ENPP3: variants seen among roughly 807,000 people sequenced by gnomAD.
ENPP3 encodes the protein ectonucleotide pyrophosphatase/phosphodiesterase 3.
A neutral mutation model predicts 117.8 loss-of-function variants in ENPP3; 104 were observed. That is an observed-to-expected ratio of 0.88 (90% CI 0.75 to 1.04). The LOEUF is 1.04. Among genes scored for constraint, ENPP3 ranks in the 50% least tolerant of loss-of-function variants. The pLI is 0.00. For synonymous variants in ENPP3, 380 were observed against 349.9 expected (o/e 1.09, Z -0.96); for missense variants, 1,026 against 1,051.9 (o/e 0.98, Z 0.34).
chr6:131,689,411 T>C (rs1394617945), intron 14 of ENPP3, among the ~76,000 whole-genome samples: 1 of 152,112 alleles, frequency 6.6e-6, no homozygotes, highest in Non-Finnish European at 1.5e-5. Flanking sequence ...CCTTACGAAT[T>C]ATGCTCAATC....
rs752897669 is a variant in ENPP3, at chr6:131,674,185, C to T, written c.666C>T (p.Gly222=). The T allele has an allele frequency of 1.7e-5, 26 of 1,563,804 alleles. No individual in the cohort carries two copies. The Middle Eastern group carries it at 6.7e-4, about 41-fold the overall frequency. The change falls in exon 8 of 25, where the codon GGC becomes GGT. Residue 222 remains glycine (G), a synonymous_variant. Coordinates refer to ENST00000357639, the MANE Select transcript of ENPP3 (RefSeq NM_005021.5). ...AGGGCTTGTATCCAGAGTCACATGGCATCATTGACAATAATATGTATGATG... is the reference window on the plus strand; with the variant it reads ...AGGGCTTGTATCCAGAGTCACATGGTATCATTGACAATAATATGTATGATG... ...IVTGLYPESH[G]IIDNNMYDVN...
intron 11 of ENPP3, among the ~76,000 whole-genome samples, chr6:131,680,704 G>A (rs565101695): frequency 2.0e-5 from 3 of 152,246 alleles, no homozygotes; most frequent in East Asian, 1.9e-4. Flanking sequence ...GTAAAAAGGC[G>A]ATTTTAGTTT....
At chr6:131,737,964 A>G in intron 22 of ENPP3, 67 bp from the exon 23 acceptor site, 1 of 1,125,618 alleles carries the variant, frequency 8.9e-7, no homozygotes, top group South Asian at 1.6e-5. Context: ...GTACTTGTCT[A>G]TAATAGAAAA....
intron 21 of ENPP3, 142 bp downstream of exon 21, chr6:131,733,865 T>C (rs1780339839): frequency 2.5e-6 from 2 of 808,230 alleles, no homozygotes; most frequent in East Asian, 2.6e-5. Flanking sequence ...TGGTTGTGGC[T>C]GGCCAGAGCA....
chr6:131,712,634 A>G (rs1229974253), intron 15 of ENPP3, among the ~76,000 whole-genome samples: 1 of 135,078 alleles, frequency 7.4e-6, no homozygotes, highest in Admixed American at 7.3e-5. Flanking sequence ...CAACTGTCAC[A>G]TAGCTAAGGA....
intron 11 of ENPP3, among the ~76,000 whole-genome samples, chr6:131,681,919 C>G (rs1004359043): frequency 6.6e-6 from 1 of 151,946 alleles, no homozygotes; most frequent in Non-Finnish European, 1.5e-5. Flanking sequence ...GGCTCACTGC[C>G]CCCCTGGGGT....
intron 7 of ENPP3, 63 bp downstream of exon 7, chr6:131,671,390 G>A (rs1412433598): frequency 1.0e-6 from 1 of 973,714 alleles, no homozygotes. Flanking sequence ...AAACAGACAT[G>A]TTTGGGCAGG....
At chr6:131,697,272 G>A (rs1356496441) in intron 15 of ENPP3, among the ~76,000 whole-genome samples, 1 of 152,106 alleles carries the variant, frequency 6.6e-6, no homozygotes, top group East Asian at 1.9e-4. Flanking sequence ...AAAGTAGGCT[G>A]TTGGTAGATA....
At chr6:131,695,700 G>A (rs12199875) in intron 15 of ENPP3, among the ~76,000 whole-genome samples, 12,408 of 152,200 alleles carry the variant, frequency 0.082, 865 homozygotes, top group East Asian at 0.33. Flanking sequence ...CAGATCACAA[G>A]GTTAGGAGTT....
At chr6:131,667,265 T>A (rs954252235) in intron 6 of ENPP3, among the ~76,000 whole-genome samples, 4 of 152,098 alleles carry the variant, frequency 2.6e-5, no homozygotes, top group Non-Finnish European at 5.9e-5. Context: ...TATGCTAGGT[T>A]CCATTAGCGC....
At chr6:131,665,703 CTAT>C (rs1778602797) in intron 6 of ENPP3, among the ~76,000 whole-genome samples, 1 of 151,936 alleles carries the variant, frequency 6.6e-6, no homozygotes, top group Admixed American at 6.6e-5. Context: ...TTGATTTATT[CTAT>C]TGTTTCTCCA....
At chr6:131,686,598 G>T (rs1188007656) in intron 14 of ENPP3, among the ~76,000 whole-genome samples, 1 of 152,120 alleles carries the variant, frequency 6.6e-6, no homozygotes, top group Non-Finnish European at 1.5e-5. Context: ...CTGAGGTTTG[G>T]AATATGGAAC....
At chr6:131,744,926 C>A (rs1433987679) in intron 24 of ENPP3, among the ~76,000 whole-genome samples, 1 of 152,072 alleles carries the variant, frequency 6.6e-6, no homozygotes, top group African/African-American at 2.4e-5. Context: ...CAGTTGTCTA[C>A]AGCTGGCTTC....
At chr6:131,710,671 C>T in intron 15 of ENPP3, 1 of 1,611,874 alleles carries the variant, frequency 6.2e-7, no homozygotes, top group Non-Finnish European at 8.5e-7. Context: ...CTTCTCAAAG[C>T]TGGCATCCTC....
intron 15 of ENPP3, among the ~76,000 whole-genome samples, chr6:131,695,733 G>A (rs1418981289): frequency 6.6e-6 from 1 of 151,916 alleles, no homozygotes; most frequent in African/African-American, 2.4e-5. Context: ...GGCCAACATG[G>A]TGAAACCCCA....
chr6:131,639,893 G>A (rs1047786887), intron 1 of ENPP3, among the ~76,000 whole-genome samples: 3 of 152,090 alleles, frequency 2.0e-5, no homozygotes, highest in Non-Finnish European at 4.4e-5. Context: ...TTAGGAGGCC[G>A]AGATAAGAGG....
chr6:131,676,035 G>A (rs1036424822), intron 9 of ENPP3, among the ~76,000 whole-genome samples: 1 of 151,976 alleles, frequency 6.6e-6, no homozygotes, highest in African/African-American at 2.4e-5. Context: ...CTCTGAACTC[G>A]TTGGTGGACT....
chr6:131,737,510 T>A (rs2114570560), intron 22 of ENPP3, 78 bp downstream of exon 22: 3 of 819,530 alleles, frequency 3.7e-6, no homozygotes, highest in South Asian at 3.2e-5. Flanking sequence ...CATATTTTTT[T>A]AATTGCAATT....
chr6:131,642,421 T>C (rs1009130300), intron 2 of ENPP3, among the ~76,000 whole-genome samples: 6 of 152,114 alleles, frequency 3.9e-5, no homozygotes, highest in African/African-American at 1.4e-4. Flanking sequence ...CTCACATTCC[T>C]TTTGCTATAT....
Sources: allele counts gnomAD v4.1 joint callset (sites outside exome capture counted in the v4.1 genomes callset), GRCh38; gene constraint gnomAD v4.1.1; transcripts MANE v1.5; gene names NCBI Gene and HGNC (gene_info 2026-07-23, HGNC 2026-07-21).